TASOR: variants seen among roughly 807,000 people sequenced by gnomAD.
The protein encoded by TASOR is protein TASOR.
Under a neutral mutation model 178.6 loss-of-function variants are expected in TASOR, and 53 were observed. The observed-to-expected ratio is 0.30, with a 90% CI of 0.24 to 0.37. The LOEUF is 0.37. TASOR is among the 10% of genes least tolerant of loss of function. The pLI is 1.00. For synonymous variants in TASOR, 713 were observed against 696.2 expected (o/e 1.02, Z -0.38); for missense variants, 1,815 against 1,971.4 (o/e 0.92, Z 1.50).
intron 17 of TASOR, 84 bp from the exon 18 acceptor site, chr3:56,634,050 G>T (rs2076969522): frequency 9.2e-7 from 1 of 1,084,948 alleles, no homozygotes; most frequent in Admixed American, 2.9e-5. Flanking sequence ...GGGGAAAAAA[G>T]GGTTAACACA....
At chr3:56,653,584 T>G (rs958466170) in intron 11 of TASOR, among the ~76,000 whole-genome samples, 1 of 151,564 alleles carries the variant, frequency 6.6e-6, no homozygotes, top group Non-Finnish European at 1.5e-5. Context: ...TGCAAGAAAA[T>G]AGCTGTCAAC....
intron 14 of TASOR, among the ~76,000 whole-genome samples, chr3:56,644,958 A>T (rs972386918): frequency 3.3e-5 from 5 of 152,218 alleles, no homozygotes; most frequent in Non-Finnish European, 7.3e-5. Context: ...ACCACATTGA[A>T]TACCATAACA....
At chr3:56,660,696 A>C (rs1416222358) in intron 11 of TASOR, 35 bp downstream of exon 11, 1 of 1,519,968 alleles carries the variant, frequency 6.6e-7, no homozygotes, top group Admixed American at 1.7e-5. Context: ...TATTTGTAAC[A>C]AAGAATGAGA....
chr3:56,664,510 A>G (rs2077666593), intron 7 of TASOR, among the ~76,000 whole-genome samples: 1 of 152,220 alleles, frequency 6.6e-6, no homozygotes, highest in African/African-American at 2.4e-5. Context: ...ATGGTTTCCA[A>G]GGATTATTCA....
intron 5 of TASOR, 144 bp from the exon 6 acceptor site, chr3:56,668,702 G>T: frequency 1.5e-6 from 1 of 656,366 alleles, no homozygotes; most frequent in Non-Finnish European, 2.5e-6. Context: ...AGCTGGGCGC[G>T]GTGACTCAGG....
At position 56,647,092 on chromosome 3, in the gene TASOR, T is replaced by C. The variant is rs754716566; in HGVS notation, c.1645A>G (p.Asn549Asp). 23 of 1,605,744 alleles carry C rather than the reference T, an allele frequency of 1.4e-5. No individual in the cohort carries two copies. The highest frequency in any genetic ancestry group is 1.7e-5 in the Admixed American group (1 of 57,552). Reference protein sequence around the residue: ...RKEFKNISAINFHSVVEKYVS... With the variant: ...RKEFKNISAIDFHSVVEKYVS... ...TACTTTTCAACAACAGAATGAAAAT[T>C]TATGGCGCTTATATTTTTGAATTCC... Residue 549 changes from asparagine (N) to aspartate (D), a missense_variant, in exon 14 of 24, where the codon AAT (asparagine) becomes GAT (aspartate). Physicochemically the swap from Asn to Asp is conservative, Grantham distance 23. Coordinates refer to ENST00000683822, the MANE Select transcript of TASOR (RefSeq NM_001365635.2).
intron 14 of TASOR, among the ~76,000 whole-genome samples, chr3:56,646,147 C>CA (rs1480576762): frequency 6.6e-6 from 1 of 151,602 alleles, no homozygotes; most frequent in African/African-American, 2.4e-5. Flanking sequence ...GACTCCGTCT[C>CA]AAAAAAAATA....
At chr3:56,669,123 T>C (rs2030385239) in intron 5 of TASOR, among the ~76,000 whole-genome samples, 1 of 152,162 alleles carries the variant, frequency 6.6e-6, no homozygotes, top group Non-Finnish European at 1.5e-5. Context: ...TCTTCACTAA[T>C]ATAAATCATA....
chr3:56,643,563 C>A (rs1253687894), intron 14 of TASOR, among the ~76,000 whole-genome samples: 1 of 152,014 alleles, frequency 6.6e-6, no homozygotes, highest in Admixed American at 6.6e-5. Context: ...GAGATCGAGA[C>A]CATCCTGGCT....
chr3:56,627,292 T>G (rs2029464), intron 20 of TASOR, 147 bp from the exon 21 acceptor site: 181,293 of 625,802 alleles, frequency 0.29, 28,178 homozygotes, highest in East Asian at 0.47. Flanking sequence ...GAGACAGATC[T>G]ATACATGCCT....
In TASOR at chr3:56,623,370, T is replaced by TA; in HGVS notation, c.4679dup (p.Leu1560PhefsTer4). 2 of 1,613,662 alleles carry TA rather than the reference T, an allele frequency of 1.2e-6. No homozygotes were observed. The highest frequency in any genetic ancestry group is 1.7e-6 in the Non-Finnish European group (2 of 1,179,930). On this transcript the variant is annotated frameshift_variant, in exon 24 of 24. Coordinates refer to ENST00000683822, the MANE Select transcript of TASOR (RefSeq NM_001365635.2). LOFTEE classifies it high-confidence loss of function. ...CAGAATCAAGGTAAGTCTTATCTTC[T>TA]AATAAACTGTTTTGCACATCAGGAG...
At chr3:56,654,267 C>CAA (rs1223520966) in intron 11 of TASOR, among the ~76,000 whole-genome samples, 4 of 140,322 alleles carry the variant, frequency 2.9e-5, no homozygotes, top group African/African-American at 1.0e-4. Flanking sequence ...AACTCTGTCT[C>CAA]AAAAAAAAAA....
At chr3:56,637,378 C>T (rs1319557395) in intron 17 of TASOR, among the ~76,000 whole-genome samples, 3 of 152,132 alleles carry the variant, frequency 2.0e-5, no homozygotes, top group African/African-American at 4.8e-5. Context: ...AAAAATCAGC[C>T]GGGTGCGGTG....
chr3:56,652,053 T>C (rs2077363440), intron 11 of TASOR, among the ~76,000 whole-genome samples: 1 of 152,200 alleles, frequency 6.6e-6, no homozygotes, highest in Non-Finnish European at 1.5e-5. Flanking sequence ...TTGAAAATTA[T>C]GCTTAGTGAA....
At chr3:56,645,687 GA>G (rs1293851017) in intron 14 of TASOR, among the ~76,000 whole-genome samples, 2 of 151,786 alleles carry the variant, frequency 1.3e-5, no homozygotes, top group African/African-American at 4.8e-5. Flanking sequence ...CAAAACAAAG[GA>G]AAAAAGAACA....
intron 1 of TASOR, among the ~76,000 whole-genome samples, chr3:56,675,595 A>G (rs71309975): frequency 0.034 from 5,140 of 152,288 alleles, 114 homozygotes; most frequent in Middle Eastern, 0.078. Flanking sequence ...AATACACCTA[A>G]AAGTCTATAC....
chr3:56,671,820 C>T, intron 2 of TASOR, 128 bp from the exon 3 acceptor site: 2 of 567,226 alleles, frequency 3.5e-6, no homozygotes, highest in South Asian at 3.2e-5. Flanking sequence ...TCTCTCTATA[C>T]TCTCTGTCCT....
At position 56,624,532 on chromosome 3, in the gene TASOR, G is replaced by C; in HGVS notation, c.4430C>G (p.Thr1477Arg). The C allele has an allele frequency of 6.2e-7, 1 of 1,614,090 alleles. No individual in the cohort carries two copies. Among genetic ancestry groups the C allele is most frequent in the Non-Finnish European group, 8.5e-7 (1 of 1,179,986 alleles). Residue 1477 changes from threonine (T) to arginine (R), a missense_variant, in exon 23 of 24, where the codon ACA (threonine) becomes AGA (arginine). Thr to Arg is a moderately conservative substitution (Grantham distance 71). Coordinates refer to ENST00000683822, the MANE Select transcript of TASOR (RefSeq NM_001365635.2). ...KNLVGYHNSI[T>R]EENLPQLGAN... Reference sequence around the variant, plus strand: ...ACCAAGCTGTGGAAGGTTTTCTTCTGTGATTGAATTGTGATAGCCCACAAG... The same window carrying C: ...ACCAAGCTGTGGAAGGTTTTCTTCTCTGATTGAATTGTGATAGCCCACAAG...
At chr3:56,654,889 C>T (rs113050742) in intron 11 of TASOR, among the ~76,000 whole-genome samples, 31 of 152,314 alleles carry the variant, frequency 2.0e-4, no homozygotes, top group African/African-American at 7.0e-4. Flanking sequence ...GTACCATTGG[C>T]TCTCCTGGGT....
Sources: gnomAD v4.1 joint callset for allele counts (sites outside exome capture counted in the v4.1 genomes callset) on GRCh38, gnomAD v4.1.1 for gene constraint, MANE v1.5 for transcripts, NCBI Gene and HGNC (gene_info 2026-07-23, HGNC 2026-07-21) for gene names.